KDM4B: variants seen among roughly 807,000 people sequenced by gnomAD.
KDM4B encodes lysine demethylase 4B.
In KDM4B, 32 loss-of-function variants were observed where a neutral mutation model predicts 125.2. The observed-to-expected ratio is 0.26, with a 90% CI of 0.19 to 0.34. The LOEUF (loss-of-function observed/expected upper bound fraction) is 0.34. Ranked by LOEUF, KDM4B falls within the 10% of genes least tolerant of loss-of-function variation. KDM4B has a pLI of 1.00. For missense variants in KDM4B, 1,190 were observed against 1,577.7 expected, an observed-to-expected ratio of 0.75 and a Z score of 4.16; for synonymous variants, 721 against 677.9, an observed-to-expected ratio of 1.06 and a Z score of -0.99.
At chr19:5,107,205 A>G (rs535537753) in intron 9 of KDM4B, among the ~76,000 whole-genome samples, 3 of 152,378 alleles carry the variant, frequency 2.0e-5, no homozygotes, top group Admixed American at 2.0e-4. Context: ...GGCCATGTGT[A>G]TCACACCACA....
At chr19:5,022,647 G>A (rs1011540968) in intron 2 of KDM4B, among the ~76,000 whole-genome samples, 4 of 152,098 alleles carry the variant, frequency 2.6e-5, no homozygotes, top group African/African-American at 9.7e-5. Flanking sequence ...GTGACCATGC[G>A]CGGCTGTTCC....
Position 5,114,184 on chromosome 19 carries a change from T to A in KDM4B, c.1115+3366T>A. ...CGCGACGCTCCTCCATGCAAACTCT[T>A]TCCACGCGAGAAGCGCCATGTGCAC... On this transcript the variant is annotated intron_variant, in intron 10 of 22. Transcript: ENST00000159111. The surrounding 1 kb of genome is among the most constrained non-coding windows in gnomAD (Gnocchi z 5.8). The A allele has an allele frequency of 7.8e-7, 1 of 1,289,718 alleles. No homozygotes were observed. The highest frequency in any genetic ancestry group is 1.0e-6 in the Non-Finnish European group (1 of 988,844). 79.9% of individuals were successfully genotyped at this position (1,289,718 alleles called of 1,614,324 possible).
intron 11 of KDM4B, among the ~76,000 whole-genome samples, chr19:5,125,457 G>A (rs1342308588): frequency 1.3e-5 from 2 of 152,226 alleles, no homozygotes; most frequent in South Asian, 2.1e-4. Context: ...CCTACACCGC[G>A]TGGGAGGGAG....
chr19:5,063,676 T>G (rs899906933), intron 6 of KDM4B, among the ~76,000 whole-genome samples: 3 of 152,216 alleles, frequency 2.0e-5, no homozygotes, highest in Non-Finnish European at 4.4e-5. Flanking sequence ...GGCTCTCTGG[T>G]CCTTGTGTCC....
Position 5,151,341 on chromosome 19 carries a change from A to G in KDM4B, c.3121A>G (p.Ser1041Gly). ...TGCTTCCGCTCTCCCGCAGTCACTG[A>G]GCACGGGGGCACCGCAGGAGCCCGC... ...PKRVRSRLSL[S>G]TGAPQEPAFS... The change falls in exon 23 of 23, where the codon AGC (serine) becomes GGC (glycine). Residue 1041 changes from serine to glycine, a missense_variant. By Grantham distance (56) the Ser-to-Gly change is moderately conservative. Transcript: ENST00000159111. The G allele has an allele frequency of 6.4e-7, 1 of 1,554,572 alleles. No homozygotes were observed. Among genetic ancestry groups the G allele is most frequent in the Non-Finnish European group, 8.7e-7 (1 of 1,151,674 alleles).
chr19:5,069,554 C>T (rs1229572759), intron 6 of KDM4B, among the ~76,000 whole-genome samples: 5 of 151,902 alleles, frequency 3.3e-5, no homozygotes, highest in East Asian at 3.9e-4. Context: ...GTGATCCACC[C>T]GCCTCGGCCT....
intron 11 of KDM4B, among the ~76,000 whole-genome samples, chr19:5,129,968 G>A (rs531046280): frequency 2.0e-5 from 3 of 152,340 alleles, no homozygotes; most frequent in African/African-American, 4.8e-5. Flanking sequence ...ACAGAGCGCC[G>A]CTGGGCTCAC....
chr19:5,100,728 TA>T (rs2038914780), intron 9 of KDM4B, among the ~76,000 whole-genome samples: 1 of 152,228 alleles, frequency 6.6e-6, no homozygotes, highest in Admixed American at 6.5e-5. Flanking sequence ...TTGTCTTTTT[TA>T]TTAATTTGTT....
At position 5,101,091 on chromosome 19, in the gene KDM4B, G is replaced by A. The variant is rs189777638; in HGVS notation, c.919-9531G>A. Among the ~76,000 whole-genome samples, 860 of 151,850 alleles carry A rather than the reference G, an allele frequency of 5.7e-3. 2 individuals are homozygous for A. The highest frequency in any genetic ancestry group is 0.01 in the Non-Finnish European group (690 of 67,950). ...CAAAAAATTAGCTGGGCATGGCGGT[G>A]GGTGCCTGTAATCCCAGCTACTGGG... is the stretch of plus-strand genomic sequence containing the variant. On this transcript the variant is annotated intron_variant, in intron 9 of 22. Transcript: ENST00000159111.
At chr19:5,001,003 A>G (rs1032502477) in intron 1 of KDM4B, among the ~76,000 whole-genome samples, 5 of 152,044 alleles carry the variant, frequency 3.3e-5, no homozygotes, top group African/African-American at 9.7e-5. Flanking sequence ...GGGCAGCTCA[A>G]AGAAGCAGAT....
chr19:5,111,018 G>A lies in KDM4B; in HGVS notation c.1115+200G>A, dbSNP rs551908796. 7.0e-4 allele frequency among the ~76,000 whole-genome samples: 106 copies of A among 152,268 alleles called. 1 individual carries two copies. The highest frequency in any genetic ancestry group is 2.2e-3 in the African/African-American group (92 of 41,546). On this transcript the variant is annotated intron_variant, in intron 10 of 22. Coordinates refer to ENST00000159111, the MANE Select transcript of KDM4B (RefSeq NM_015015.3). ...CCAGTCTGAGGCACAGTGTTTTCTC[G>A]AGGCCTCGCTTTGCTGGGGTGGGTG...
chr19:5,136,017 G>A (rs948465176), intron 15 of KDM4B, among the ~76,000 whole-genome samples: 13 of 152,330 alleles, frequency 8.5e-5, no homozygotes, highest in Admixed American at 5.2e-4. Flanking sequence ...CCGTCTCTCC[G>A]CAGGCTGTGT....
chr19:5,153,351 T>A lies in KDM4B; in HGVS notation c.*1840T>A, dbSNP rs573662883. 1 of 152,372 alleles carries A rather than the reference T, an allele frequency of 6.6e-6. No individual in the cohort carries two copies. Among genetic ancestry groups the A allele is most frequent in the East Asian group, 1.9e-4 (1 of 5,172 alleles). 9.4% of individuals were successfully genotyped at this position (152,372 alleles called of 1,614,324 possible). A position where few individuals can be genotyped will look rare whatever the true frequency, so the allele number is the denominator to read the frequency against. On this transcript the variant is annotated 3_prime_UTR_variant, in exon 23 of 23. Transcript: ENST00000159111. ...CGGGCGGGTGCCCCTGCTGCCCTTG[T>A]CCCTTGGGGGTCACACCCATCCCCT...
chr19:5,120,197 G>A (rs1481685632), intron 11 of KDM4B, among the ~76,000 whole-genome samples: 2 of 152,158 alleles, frequency 1.3e-5, no homozygotes, highest in African/African-American at 4.8e-5. Flanking sequence ...ATTTAACCAG[G>A]CTTGGTGGCT....
At position 5,114,715 on chromosome 19, in the gene KDM4B, C is replaced by G. The variant is rs1339100103; in HGVS notation, c.1115+3897C>G. Among the ~76,000 whole-genome samples, 2 of 152,206 alleles carry G rather than the reference C, an allele frequency of 1.3e-5. No individual in the cohort carries two copies. Among genetic ancestry groups the G allele is most frequent in the African/African-American group, 4.8e-5 (2 of 41,464 alleles). On this transcript the variant is annotated intron_variant, in intron 10 of 22. Coordinates refer to ENST00000159111, the MANE Select transcript of KDM4B (RefSeq NM_015015.3). The surrounding 1 kb of genome is among the most constrained non-coding windows in gnomAD (Gnocchi z 5.8). The stretch of plus-strand genomic sequence containing the variant: ...GAGGGCTCAGCCTGGGGCCAGCCTC[C>G]CAGTCCTCCCCACCTTGTGAGAAGC...
chr19:4,998,553 A>G (rs1277429291), intron 1 of KDM4B, among the ~76,000 whole-genome samples: 1 of 152,066 alleles, frequency 6.6e-6, no homozygotes, highest in Non-Finnish European at 1.5e-5. Context: ...CCTCTCCTTC[A>G]GTGTGTATTT....
intron 10 of KDM4B, chr19:5,111,414 A>C: frequency 1.3e-6 from 1 of 765,242 alleles, no homozygotes. Context: ...CCTCCCAGCC[A>C]GGTATCTGGT....
At chr19:5,079,754 A>G (rs1023097923) in intron 8 of KDM4B, among the ~76,000 whole-genome samples, 1 of 152,160 alleles carries the variant, frequency 6.6e-6, no homozygotes, top group Non-Finnish European at 1.5e-5. Context: ...TTTTCTAGAG[A>G]TGGGGTCTCA....
rs919980918 is a variant in KDM4B at position 5,151,606 on chromosome 19, G to A, written c.*95G>A. ...TGTGAATTCCTGTCCTCGTGTCCCC[G>A]ACCCCCGAGAGGCCACCTCCAAGCC... is the stretch of plus-strand genomic sequence containing the variant. On this transcript the variant is annotated 3_prime_UTR_variant, in exon 23 of 23. Coordinates refer to ENST00000159111, the MANE Select transcript of KDM4B (RefSeq NM_015015.3). 39 of 1,135,564 alleles carry A rather than the reference G, an allele frequency of 3.4e-5. No individual in the cohort carries two copies. Among genetic ancestry groups the A allele is most frequent in the South Asian group, 9.8e-5 (3 of 30,740 alleles). The allele number at this position is 1,135,564 out of a possible 1,614,324, so 70.3% of individuals were successfully genotyped here.
Sources: allele counts gnomAD v4.1 joint callset (sites outside exome capture counted in the v4.1 genomes callset), GRCh38; gene constraint gnomAD v4.1.1; non-coding constraint Gnocchi (gnomAD v3.1); transcripts MANE v1.5; gene names NCBI Gene and HGNC (gene_info 2026-07-23, HGNC 2026-07-21).